CHD6: variants seen among roughly 807,000 people sequenced by gnomAD.
CHD6 encodes the protein ATP-dependent chromatin remodeler CHD6.
Under a neutral mutation model 276.9 loss-of-function variants are expected in CHD6, and 50 were observed. The ratio of observed to expected loss-of-function variants is 0.18; its 90% CI spans 0.14 to 0.23. The LOEUF (loss-of-function observed/expected upper bound fraction) is 0.23. Among genes scored for constraint, CHD6 ranks in the 10% least tolerant of loss-of-function variants. CHD6 has a pLI of 1.00. For synonymous variants in CHD6, 1,173 were observed against 1,229.3 expected (o/e 0.95, Z 0.96); for missense variants, 2,564 against 3,365.8 (o/e 0.76, Z 5.89).
At chr20:41,440,495 C>T (rs1470249513) in intron 25 of CHD6, among the ~76,000 whole-genome samples, 1 of 152,172 alleles carries the variant, frequency 6.6e-6, no homozygotes, top group Non-Finnish European at 1.5e-5. Flanking sequence ...TCTTACAGCT[C>T]ATTTTTATCC....
intron 25 of CHD6, among the ~76,000 whole-genome samples, chr20:41,442,311 G>C (rs2047925735): frequency 6.6e-6 from 1 of 152,008 alleles, no homozygotes; most frequent in Non-Finnish European, 1.5e-5. Flanking sequence ...AATTAGCCAG[G>C]CATGGTGGTG....
At chr20:41,605,956 C>A (rs1039858285) in intron 1 of CHD6, among the ~76,000 whole-genome samples, 3 of 152,122 alleles carry the variant, frequency 2.0e-5, no homozygotes, top group African/African-American at 7.2e-5. Context: ...ATTCAAGGTA[C>A]AAAGAATGGG....
chr20:41,515,026 T>C lies in CHD6; in HGVS notation c.555-74A>G, dbSNP rs1300518068. On this transcript the variant is annotated intron_variant, in intron 3 of 36. Coordinates refer to ENST00000373233, the MANE Select transcript of CHD6 (RefSeq NM_032221.5). The stretch of plus-strand genomic sequence containing the variant: ...AAGATTTCTCATGTGATCAACGTCA[T>C]GAAATCACATCCTGGAATTCTAGGA... The C allele has an allele frequency of 7.4e-6, 11 of 1,479,394 alleles. No homozygotes were observed. In the South Asian group the frequency reaches 8.5e-5, roughly 11 times the overall value. The allele number at this position is 1,479,394 out of a possible 1,614,324, so 91.6% of individuals were successfully genotyped here. A position where few individuals can be genotyped will look rare whatever the true frequency, so the allele number is the denominator to read the frequency against.
intron 1 of CHD6, among the ~76,000 whole-genome samples, chr20:41,585,017 C>A (rs1460313185): frequency 6.6e-6 from 1 of 151,888 alleles, no homozygotes; most frequent in Admixed American, 6.6e-5. Flanking sequence ...TTTTATAAAC[C>A]TCTAAGTAGA....
chr20:41,405,463 A>T lies in CHD6; in HGVS notation c.7278T>A (p.Asn2426Lys). The T allele has an allele frequency of 6.4e-7, 1 of 1,559,768 alleles. No homozygotes were observed. The highest frequency in any genetic ancestry group is 8.7e-7 in the Non-Finnish European group (1 of 1,154,040). ...LRGFLPENKF[N>K]HTLAEPILRD... ...GAAGAATAGGCTCAGCCAGAGTGTG[A>T]TTGAACTTGTTTTCTGGAAGAAACC... Residue 2426 changes from asparagine to lysine, a missense_variant, in exon 37 of 37, where the codon AAT (asparagine) becomes AAA (lysine). Asn to Lys is a moderately conservative substitution (Grantham distance 94). This residue lies in a region of CHD6 where 1,024 missense variants were observed against 1,047.9 expected (regional missense o/e 0.98). Coordinates refer to ENST00000373233, the MANE Select transcript of CHD6 (RefSeq NM_032221.5).
intron 1 of CHD6, among the ~76,000 whole-genome samples, chr20:41,569,487 TA>T (rs1387466659): frequency 2.0e-5 from 3 of 152,172 alleles, no homozygotes; most frequent in African/African-American, 7.2e-5. Flanking sequence ...GGCACTACTT[TA>T]GGGGGACTGG....
At position 41,533,276 on chromosome 20, in the gene CHD6, C is replaced by T. The variant is rs1283272472; in HGVS notation, c.328G>A (p.Gly110Arg). 3.1e-6 allele frequency: 5 copies of T among 1,613,828 alleles called. No individual in the cohort carries two copies. The highest frequency in any genetic ancestry group is 4.2e-6 in the Non-Finnish European group (5 of 1,179,972). Reference protein sequence around the residue: ...EPGDQEGAAKGSKDREPKPKR... With the variant: ...EPGDQEGAAKRSKDREPKPKR... ...GGCTTGGGCTCTCTGTCCTTGCTTC[C>T]CTTTGCTGCACCCTCTTGGTCTCCT... Residue 110 changes from glycine (G) to arginine (R), a missense_variant, in exon 3 of 37, where the codon GGA becomes AGA. This residue lies in a region of CHD6 where 286 missense variants were observed against 297.8 expected (regional missense o/e 0.96). Transcript: ENST00000373233.
intron 1 of CHD6, among the ~76,000 whole-genome samples, chr20:41,569,078 G>T (rs2045389013): frequency 6.6e-6 from 1 of 152,194 alleles, no homozygotes; most frequent in Non-Finnish European, 1.5e-5. Context: ...ACATAGAGCA[G>T]GACATGGCAT....
chr20:41,455,677 A>G (rs150439656), intron 19 of CHD6, 123 bp downstream of exon 19: 1 of 667,248 alleles, frequency 1.5e-6, no homozygotes, highest in East Asian at 2.7e-5. Flanking sequence ...CACGCAGACT[A>G]AATGTGCAGC....
chr20:41,484,262 G>A, intron 15 of CHD6, 90 bp downstream of exon 15: 1 of 1,465,790 alleles, frequency 6.8e-7, no homozygotes, highest in East Asian at 2.3e-5. Flanking sequence ...AGCATATAAT[G>A]AAAATTCAAT....
At chr20:41,615,601 G>A (rs1011231091) in intron 1 of CHD6, among the ~76,000 whole-genome samples, 1 of 152,206 alleles carries the variant, frequency 6.6e-6, no homozygotes, top group Non-Finnish European at 1.5e-5. Flanking sequence ...AGGGGAAGGA[G>A]GGAAGTAGAG....
Position 41,477,517 on chromosome 20 carries a change from G to GA in CHD6, c.2469-4001dup, listed in dbSNP as rs200024691. On this transcript the variant is annotated intron_variant, in intron 16 of 36. Coordinates refer to ENST00000373233, the MANE Select transcript of CHD6 (RefSeq NM_032221.5). ...TTACAGAAGGGCTAAAGACTTAAAT[G>GA]AAAAAAAAATCAAATAATCCAGTTA... 3.2e-3 allele frequency among the ~76,000 whole-genome samples: 480 copies of GA among 150,360 alleles called. 2 individuals are homozygous for GA. The highest frequency in any genetic ancestry group is 0.011 in the African/African-American group (444 of 40,986).
At chr20:41,437,443 G>C in intron 26 of CHD6, 109 bp from the exon 27 acceptor site, 1 of 650,488 alleles carries the variant, frequency 1.5e-6, no homozygotes, top group South Asian at 2.0e-5. Context: ...TTTTGGGGGA[G>C]AGACAGGGCG....
Position 41,404,866 on chromosome 20 carries a change from G to A in CHD6, c.7875C>T (p.Ser2625=), listed in dbSNP as rs1301248975. The A allele has an allele frequency of 6.2e-7, 1 of 1,614,132 alleles. No homozygotes were observed. The highest frequency in any genetic ancestry group is 2.2e-5 in the East Asian group (1 of 44,888). The change falls in exon 37 of 37, where the codon TCC becomes TCT. Residue 2625 remains serine (S), a synonymous_variant. Transcript: ENST00000373233. ...PGVSPGLIYP[S]MFLSPGMGMA... The stretch of plus-strand genomic sequence containing the variant: ...TGCCCATACCAGGGGAGAGGAACAT[G>A]GATGGGTAAATGAGTCCAGGAGATA...
chr20:41,493,970 AG>A, intron 8 of CHD6, 26 bp from the exon 9 acceptor site: 1 of 1,569,196 alleles, frequency 6.4e-7, no homozygotes, highest in African/African-American at 1.3e-5. Context: ...GAGAACAGTT[AG>A]GAAGTATGTC....
chr20:41,555,294 TC>T (rs2045212546), intron 1 of CHD6, among the ~76,000 whole-genome samples: 1 of 114,944 alleles, frequency 8.7e-6, no homozygotes, highest in Admixed American at 8.6e-5. Context: ...GCTCCTCACC[TC>T]CCAGTAGGGG....
intron 12 of CHD6, among the ~76,000 whole-genome samples, chr20:41,489,133 G>C (rs1007456602): frequency 5.3e-5 from 8 of 152,154 alleles, no homozygotes; most frequent in African/African-American, 1.9e-4. Flanking sequence ...CATTTCAAGA[G>C]CAGAGCTGCA....
chr20:41,612,221 C>A (rs1188788894), intron 1 of CHD6, among the ~76,000 whole-genome samples: 1 of 152,182 alleles, frequency 6.6e-6, no homozygotes, highest in African/African-American at 2.4e-5. Flanking sequence ...GTAAGCAGAC[C>A]ACAGATCTGC....
chr20:41,436,756 C>T (rs1346281339), intron 27 of CHD6, among the ~76,000 whole-genome samples: 1 of 151,720 alleles, frequency 6.6e-6, no homozygotes, highest in Non-Finnish European at 1.5e-5. Flanking sequence ...AAAGCCAATC[C>T]CCAAAGTTTA....
Sources: allele counts gnomAD v4.1 joint callset (sites outside exome capture counted in the v4.1 genomes callset), GRCh38; gene constraint gnomAD v4.1.1; regional missense constraint gnomAD v4.1.1; transcripts MANE v1.5; gene names NCBI Gene and HGNC (gene_info 2026-07-23, HGNC 2026-07-21).